Variants in STK33 observed in about 807,000 individuals in gnomAD.
STK33 encodes the protein serine/threonine kinase 33.
A neutral mutation model predicts 58.0 loss-of-function variants in STK33; 52 were observed. That is an observed-to-expected ratio of 0.90 (90% confidence interval 0.72 to 1.13). The LOEUF (loss-of-function observed/expected upper bound fraction) is 1.13. STK33 is among the 50% of genes most tolerant of loss of function. The pLI, the probability that STK33 is intolerant of heterozygous loss-of-function variation, is 0.00. For synonymous variants in STK33, 215 were observed against 200.1 expected (o/e 1.07, Z -0.63); for missense variants, 630 against 604.2 (o/e 1.04, Z -0.45).
At chr11:8,497,331 A>G (rs2138969959) in intron 1 of STK33, among the ~76,000 whole-genome samples, 1 of 152,334 alleles carries the variant, frequency 6.6e-6, no homozygotes, top group African/African-American at 2.4e-5. Context: ...AACAAAATCA[A>G]AGAGAACCTT....
At chr11:8,433,431 T>G (rs1943650931) in intron 14 of STK33, among the ~76,000 whole-genome samples, 1 of 152,192 alleles carries the variant, frequency 6.6e-6, no homozygotes, top group Non-Finnish European at 1.5e-5. Flanking sequence ...TTTTCTTCCT[T>G]ATTTATCTTT....
chr11:8,552,319 G>A (rs1016673571), intron 1 of STK33, among the ~76,000 whole-genome samples: 7 of 152,082 alleles, frequency 4.6e-5, no homozygotes, highest in African/African-American at 1.7e-4. Flanking sequence ...TATTCAGGGT[G>A]GTATTCTTGT....
intron 1 of STK33, among the ~76,000 whole-genome samples, chr11:8,526,508 G>GT (rs2140009714): frequency 6.6e-6 from 1 of 152,104 alleles, no homozygotes; most frequent in South Asian, 2.1e-4. Flanking sequence ...TCTCTCTTAA[G>GT]TATGTTCCCA....
intron 1 of STK33, among the ~76,000 whole-genome samples, chr11:8,534,532 TTCTCTCTCTC>T (rs61429377): frequency 8.0e-4 from 98 of 122,508 alleles, no homozygotes; most frequent in South Asian, 1.5e-3. Flanking sequence ...GTATATATAT[TTCTCTCTCTC>T]TCTCTCTCTC....
At chr11:8,506,060 C>T (rs1421789693) in intron 1 of STK33, among the ~76,000 whole-genome samples, 1 of 152,180 alleles carries the variant, frequency 6.6e-6, no homozygotes, top group Non-Finnish European at 1.5e-5. Flanking sequence ...TATTTCTGGG[C>T]ACTTCCAGAG....
chr11:8,440,617 A>G (rs528879678), intron 12 of STK33, 61 bp downstream of exon 12: 2 of 1,364,588 alleles, frequency 1.5e-6, no homozygotes, highest in East Asian at 5.1e-5. Context: ...TAAAGTCTAT[A>G]TCACTCTACT....
chr11:8,346,255 C>T, the STK33 span, among the ~76,000 whole-genome samples: 1 of 152,328 alleles, frequency 6.6e-6, no homozygotes, highest in East Asian at 1.9e-4. Context: ...TCGTGCCACA[C>T]AGGAGGTGTT....
chr11:8,571,878 A>G lies in STK33; in HGVS notation c.-466+22205T>C, dbSNP rs538169081. Reference sequence around the variant, plus strand: ...ATGTCAATTTTATATGTATTTTACCACAATAAAAAAAAAATTTTAAAAAAA... The same window carrying G: ...ATGTCAATTTTATATGTATTTTACCGCAATAAAAAAAAAATTTTAAAAAAA... On this transcript the variant is annotated intron_variant, in intron 1 of 15. Coordinates refer to ENST00000687296, the MANE Select transcript of STK33 (RefSeq NM_001352389.2). 4.3e-3 allele frequency among the ~76,000 whole-genome samples: 602 copies of G among 139,310 alleles called. 6 individuals carry two copies. The highest frequency in any genetic ancestry group is 6.8e-3 in the Non-Finnish European group (436 of 64,112). The allele number at this position is 139,310 out of a possible 152,430, so 91.4% of individuals were successfully genotyped here. A position where few individuals can be genotyped will look rare whatever the true frequency, so the allele number is the denominator to read the frequency against.
intron 1 of STK33, among the ~76,000 whole-genome samples, chr11:8,553,523 C>T (rs1305173206): frequency 2.6e-5 from 4 of 151,750 alleles, no homozygotes; most frequent in Non-Finnish European, 4.4e-5. Context: ...CATCACTGAC[C>T]AAAATGTTGT....
chr11:8,521,997 GGA>G (rs1554980980), intron 1 of STK33, among the ~76,000 whole-genome samples: 24 of 152,056 alleles, frequency 1.6e-4, no homozygotes, highest in Non-Finnish European at 2.5e-4. Context: ...GAGAGGATGT[GGA>G]GAAAAAAAAC....
At chr11:8,360,854 G>T in the STK33 span, among the ~76,000 whole-genome samples, 7 of 152,184 alleles carry the variant, frequency 4.6e-5, no homozygotes, top group Non-Finnish European at 7.3e-5. Context: ...TGCTAACCAG[G>T]GAACATGCTC....
Position 8,457,377 on chromosome 11 carries a change from T to C in STK33, c.661A>G (p.Ser221Gly). Reference protein sequence around the residue: ...SENETRWIIQSLASAIAYLHN... With the variant: ...SENETRWIIQGLASAIAYLHN... ...AGATATGCTATAGCTGATGCGAGACTTTGAATGATCCACCTTGTCTCATTC... is the reference window on the plus strand; with the variant it reads ...AGATATGCTATAGCTGATGCGAGACCTTGAATGATCCACCTTGTCTCATTC... The change falls in exon 9 of 16, where the codon AGT (serine) becomes GGT (glycine). Residue 221 changes from serine to glycine, a missense_variant. Coordinates refer to ENST00000687296, the MANE Select transcript of STK33 (RefSeq NM_001352389.2). 6.2e-7 allele frequency: 1 copy of C among 1,606,152 alleles called. No homozygotes were observed. Among genetic ancestry groups the C allele is most frequent in the Middle Eastern group, 1.7e-4 (1 of 6,032 alleles).
chr11:8,449,225 C>A (rs1357050797), intron 11 of STK33, among the ~76,000 whole-genome samples: 1 of 151,548 alleles, frequency 6.6e-6, no homozygotes, highest in South Asian at 2.1e-4. Context: ...GACAGTGTGG[C>A]GATTCCTCAG....
At chr11:8,531,265 T>C (rs1021452231) in intron 1 of STK33, among the ~76,000 whole-genome samples, 1 of 152,164 alleles carries the variant, frequency 6.6e-6, no homozygotes, top group Non-Finnish European at 1.5e-5. Flanking sequence ...AAAAAATTCA[T>C]AAATACAGGT....
chr11:8,461,432 T>C (rs1947508448), intron 8 of STK33, among the ~76,000 whole-genome samples: 1 of 152,242 alleles, frequency 6.6e-6, no homozygotes, highest in Admixed American at 6.5e-5. Context: ...TTTGATTATG[T>C]AGTTAACTTT....
chr11:8,409,103 T>A (rs1939767888), intron 15 of STK33, among the ~76,000 whole-genome samples: 1 of 152,226 alleles, frequency 6.6e-6, no homozygotes, highest in Non-Finnish European at 1.5e-5. Context: ...AATAAATAGG[T>A]CTTTTGAAGG....
intron 1 of STK33, among the ~76,000 whole-genome samples, chr11:8,487,421 C>CAA (rs35061686): frequency 6.7e-4 from 69 of 102,710 alleles, no homozygotes; most frequent in Non-Finnish European, 7.5e-4. Flanking sequence ...GACCCAGTCT[C>CAA]AAAAAAAAAA....
chr11:8,502,006 G>C (rs1175134834), intron 1 of STK33, among the ~76,000 whole-genome samples: 3 of 152,142 alleles, frequency 2.0e-5, no homozygotes, highest in African/African-American at 7.2e-5. Context: ...ACAGAAAGCA[G>C]ATTAGTGTAT....
the STK33 span, among the ~76,000 whole-genome samples, chr11:8,365,930 T>C: frequency 5.8e-4 from 88 of 152,338 alleles, no homozygotes; most frequent in African/African-American, 2.0e-3. Flanking sequence ...TCCGCCTGTC[T>C]GTATATCTGT....
Sources: gnomAD v4.1 joint callset for allele counts (sites outside exome capture counted in the v4.1 genomes callset) on GRCh38, gnomAD v4.1.1 for gene constraint, MANE v1.5 for transcripts, NCBI Gene and HGNC (gene_info 2026-07-23, HGNC 2026-07-21) for gene names.